CTNNA2: variants seen among roughly 807,000 people sequenced by gnomAD.
CTNNA2 encodes catenin alpha-2.
CTNNA2 carries 42 observed loss-of-function variants against 101.0 expected under a neutral mutation model. That is an observed-to-expected ratio of 0.42 (90% confidence interval 0.32 to 0.54). The LOEUF is 0.54. CTNNA2 is among the 20% of genes least tolerant of loss of function. The probability of loss-of-function intolerance (pLI) is 0.14; values close to 1 mark genes in which losing one functional copy is unlikely to be tolerated. For missense variants in CTNNA2, 871 were observed against 1,223.1 expected (o/e 0.71, Z 4.29); for synonymous variants, 450 against 456.4 (o/e 0.99, Z 0.18).
At chr2:79,606,576 G>A (rs1677909239) in intron 1 of CTNNA2, among the ~76,000 whole-genome samples, 3 of 152,044 alleles carry the variant, frequency 2.0e-5, no homozygotes, top group African/African-American at 7.2e-5. Context: ...CCAATATTGA[G>A]TGTTTAAACA....
intron 4 of CTNNA2, among the ~76,000 whole-genome samples, chr2:79,387,040 C>G (rs554539555): frequency 6.6e-6 from 1 of 152,296 alleles, no homozygotes; most frequent in Admixed American, 6.5e-5. Context: ...CACAGCCACC[C>G]TTATAAGTTG....
At chr2:80,429,399 G>A (rs1681283114) in intron 9 of CTNNA2, among the ~76,000 whole-genome samples, 2 of 152,118 alleles carry the variant, frequency 1.3e-5, no homozygotes, top group African/African-American at 4.8e-5. Context: ...GCTAGAAAGA[G>A]GCAGAATCCA....
At chr2:79,536,686 T>TTTTCTTTTCTTTTCTTTTCTTTTC (rs1553422847) in intron 1 of CTNNA2, among the ~76,000 whole-genome samples, 1 of 139,926 alleles carries the variant, frequency 7.1e-6, no homozygotes, top group African/African-American at 2.7e-5. Flanking sequence ...ATGGATTTTT[T>TTTTCTTTTCTTTTCTTTTCTTTTC]TTTTCTTTTC....
At chr2:79,638,535 T>C (rs928507648) in intron 1 of CTNNA2, among the ~76,000 whole-genome samples, 3 of 152,180 alleles carry the variant, frequency 2.0e-5, no homozygotes, top group African/African-American at 7.2e-5. Flanking sequence ...CATAATTCAA[T>C]TGAAAGGGGC....
chr2:80,595,657 GT>G (rs1461207699), intron 15 of CTNNA2, among the ~76,000 whole-genome samples: 3 of 151,922 alleles, frequency 2.0e-5, no homozygotes, highest in Non-Finnish European at 4.4e-5. Context: ...CTGTTTGACA[GT>G]TTTTTTTAAA....
chr2:79,632,354 T>C (rs1239382152), intron 1 of CTNNA2, among the ~76,000 whole-genome samples: 1 of 152,204 alleles, frequency 6.6e-6, no homozygotes, highest in Non-Finnish European at 1.5e-5. Context: ...ACTTGGAATA[T>C]TCAGTTTGTC....
chr2:80,533,528 T>C (rs1293891818), intron 9 of CTNNA2, among the ~76,000 whole-genome samples: 1 of 152,170 alleles, frequency 6.6e-6, no homozygotes, highest in Non-Finnish European at 1.5e-5. Flanking sequence ...AGAGAATAGC[T>C]GCACTTACTT....
chr2:79,506,144 GA>G (rs1175881150), intron 5 of CTNNA2, among the ~76,000 whole-genome samples: 1 of 152,106 alleles, frequency 6.6e-6, no homozygotes, highest in Non-Finnish European at 1.5e-5. Context: ...AATACTACAG[GA>G]AAATAATGTG....
At chr2:80,329,364 CAG>C (rs1671119116) in intron 7 of CTNNA2, among the ~76,000 whole-genome samples, 1 of 152,154 alleles carries the variant, frequency 6.6e-6, no homozygotes, top group Admixed American at 6.5e-5. Flanking sequence ...GTAAATGAAA[CAG>C]TGTGGTAAAG....
chr2:79,988,320 G>T lies in CTNNA2; in HGVS notation c.1056+78523G>T, dbSNP rs190323754. The stretch of plus-strand genomic sequence containing the variant: ...TCAGCACTATCATCGTGGAGGCCAG[G>T]TGCCTCTATGATGTGTCTATTTGAA... On this transcript the variant is annotated intron_variant, in intron 7 of 18. Transcript: ENST00000402739. Among the ~76,000 whole-genome samples, 236 of 152,286 alleles carry T rather than the reference G, an allele frequency of 1.5e-3. 1 individual carries two copies. The highest frequency in any genetic ancestry group is 5.3e-3 in the African/African-American group (221 of 41,558).
intron 7 of CTNNA2, among the ~76,000 whole-genome samples, chr2:80,222,210 G>A (rs1708613186): frequency 6.6e-6 from 1 of 151,928 alleles, no homozygotes; most frequent in Non-Finnish European, 1.5e-5. Context: ...TCATCATCCT[G>A]GTCTATATTT....
chr2:80,113,913 A>T (rs986021641), intron 7 of CTNNA2, among the ~76,000 whole-genome samples: 1 of 152,254 alleles, frequency 6.6e-6, no homozygotes, highest in African/African-American at 2.4e-5. Context: ...TTCATTATTT[A>T]TACAGGCAAT....
intron 6 of CTNNA2, among the ~76,000 whole-genome samples, chr2:79,891,271 A>C (rs942861703): frequency 1.3e-5 from 2 of 152,110 alleles, no homozygotes; most frequent in Non-Finnish European, 2.9e-5. Flanking sequence ...GAAGTTAAGA[A>C]TCGTGTTTTA....
chr2:79,585,073 A>G (rs972458442), intron 1 of CTNNA2, among the ~76,000 whole-genome samples: 3 of 152,222 alleles, frequency 2.0e-5, no homozygotes, highest in East Asian at 1.9e-4. Flanking sequence ...ATTTCTGTAT[A>G]CATAGTTTAT....
At chr2:80,218,914 C>A (rs1441140717) in intron 7 of CTNNA2, among the ~76,000 whole-genome samples, 4 of 152,100 alleles carry the variant, frequency 2.6e-5, no homozygotes, top group African/African-American at 9.7e-5. Context: ...TTAATCGTAT[C>A]ATTTAGTAAT....
intron 4 of CTNNA2, among the ~76,000 whole-genome samples, chr2:79,459,915 C>A (rs999583776): frequency 6.6e-6 from 1 of 152,130 alleles, no homozygotes; most frequent in African/African-American, 2.4e-5. Context: ...TAAAATTATA[C>A]AACTTATGTA....
intron 7 of CTNNA2, among the ~76,000 whole-genome samples, chr2:80,186,122 AT>A (rs1706112284): frequency 6.6e-6 from 1 of 151,926 alleles, no homozygotes; most frequent in East Asian, 1.9e-4. Context: ...CCCCATCCCT[AT>A]GGGAATTGGA....
chr2:80,576,335 T>G (rs546035673), intron 13 of CTNNA2: 20 of 151,736 alleles, frequency 1.3e-4, no homozygotes, highest in African/African-American at 3.9e-4. Flanking sequence ...AGGACCTCCC[T>G]TTTCTGTTGG....
intron 7 of CTNNA2, among the ~76,000 whole-genome samples, chr2:80,310,074 T>C (rs1157785359): frequency 6.6e-6 from 1 of 152,162 alleles, no homozygotes; most frequent in Admixed American, 6.5e-5. Flanking sequence ...AATTTTGAGA[T>C]GCATTATTGG....
Sources: allele counts gnomAD v4.1 joint callset (sites outside exome capture counted in the v4.1 genomes callset), GRCh38; gene constraint gnomAD v4.1.1; transcripts MANE v1.5; gene names NCBI Gene and HGNC (gene_info 2026-07-23, HGNC 2026-07-21).